The following CRH variants were observed in gnomAD, a reference collection of about 807,000 sequenced individuals.
CRH encodes the protein corticotropin releasing hormone.
A neutral mutation model predicts 11.1 loss-of-function variants in CRH; 6 were observed. The observed-to-expected ratio is 0.54, with a 90% CI of 0.30 to 1.07. CRH has a LOEUF of 1.07. CRH is among the 50% of genes least tolerant of loss of function. CRH has a pLI of 0.07. For synonymous variants in CRH, 155 were observed against 132.0 expected (o/e 1.17, Z -1.19); for missense variants, 289 against 269.4 (o/e 1.07, Z -0.51).
At position 66,176,899 on chromosome 8, in the gene CRH, A is replaced by G. The variant is rs1563402708; in HGVS notation, c.579T>C (p.Ile193=). ...QAHSNRKLME[I]IGK ...CAAACGCACCGTTTTATTTCCCAAT[A>G]ATCTCCATGAGTTTCCTGTTGCTGT... The change falls in exon 2 of 2, where the codon ATT becomes ATC. Residue 193 remains isoleucine, a synonymous_variant. Coordinates refer to ENST00000276571, the MANE Select transcript of CRH (RefSeq NM_000756.4). The G allele has an allele frequency of 6.3e-7, 1 of 1,592,532 alleles. No individual in the cohort carries two copies. The highest frequency in any genetic ancestry group is 8.6e-7 in the Non-Finnish European group (1 of 1,169,182).
In CRH at chr8:66,177,471, G is replaced by A. The variant is rs1014106205; in HGVS notation, c.7C>T (p.Leu3=). 2.0e-6 allele frequency: 3 copies of A among 1,535,790 alleles called. No homozygotes were observed. In the Admixed American group the frequency reaches 5.9e-5, roughly 30 times the overall value. MR[L]PLLVSAGVLL... ...ACTCCCGCGGACACAAGCAGCGGCA[G>A]CCGCATGTTAGGGGCACTCGCTGCG... is the stretch of plus-strand genomic sequence containing the variant. Residue 3 remains leucine (L), a synonymous_variant, in exon 2 of 2, where the codon CTG becomes TTG. Coordinates refer to ENST00000276571, the MANE Select transcript of CRH (RefSeq NM_000756.4).
At position 66,177,500 on chromosome 8, in the gene CRH, C is replaced by A; in HGVS notation, c.-14-9G>T. 6.6e-7 allele frequency: 1 copy of A among 1,523,114 alleles called. No homozygotes were observed. 94.3% of individuals were successfully genotyped at this position (1,523,114 alleles called of 1,614,324 possible). A position where few individuals can be genotyped will look rare whatever the true frequency, so the allele number is the denominator to read the frequency against. On this transcript the variant is annotated splice_polypyrimidine_tract_variant and intron_variant, in intron 1 of 1. Coordinates refer to ENST00000276571, the MANE Select transcript of CRH (RefSeq NM_000756.4). ...CATGTTAGGGGCACTCGCTGCGGCA[C>A]AGAGGTGGGCGGAGGGCGGAATGAG...
intron 1 of CRH, among the ~76,000 whole-genome samples, chr8:66,178,040 G>A (rs1811933176): frequency 6.6e-6 from 1 of 152,124 alleles, no homozygotes; most frequent in African/African-American, 2.4e-5. Context: ...AGCCGTCTAA[G>A]TTTGCTTTTG....
chr8:66,177,542 A>G, intron 1 of CRH, 51 bp from the exon 2 acceptor site: 2 of 1,493,702 alleles, frequency 1.3e-6, no homozygotes, highest in Non-Finnish European at 1.8e-6. Flanking sequence ...GAAGAGAGAA[A>G]GAAAGAGTTG....
At chr8:66,177,701 T>G (rs1351099379) in intron 1 of CRH, among the ~76,000 whole-genome samples, 1 of 152,114 alleles carries the variant, frequency 6.6e-6, no homozygotes, top group Non-Finnish European at 1.5e-5. Context: ...CCTGCAGGGC[T>G]CCGCACCTAA....
chr8:66,177,344 T>C lies in CRH; in HGVS notation c.134A>G (p.Asp45Gly). The change falls in exon 2 of 2, where the codon GAT becomes GGT. Residue 45 changes from aspartate (D) to glycine (G), a missense_variant. Coordinates refer to ENST00000276571, the MANE Select transcript of CRH (RefSeq NM_000756.4). The part of the protein sequence containing the change: ...RQAPQHPQPL[D>G]FFQPPPQSEQ... ...GGACTGCGGCGGCGGCTGGAAGAAA[T>C]CCAAGGGCTGAGGGTGCTGCGGCGC... 1 of 1,552,164 alleles carries C rather than the reference T, an allele frequency of 6.4e-7. No individual in the cohort carries two copies.
chr8:66,177,692 C>T (rs1216753719), intron 1 of CRH, among the ~76,000 whole-genome samples: 3 of 152,168 alleles, frequency 2.0e-5, no homozygotes, highest in Non-Finnish European at 4.4e-5. Context: ...AAGGGGGCGC[C>T]TGCAGGGCTC....
Position 66,177,052 on chromosome 8 carries a change from G to A in CRH, c.426C>T (p.Gly142=), listed in dbSNP as rs1249296369. Residue 142 remains glycine (G), a synonymous_variant, in exon 2 of 2, where the codon GGC becomes GGT. Coordinates refer to ENST00000276571, the MANE Select transcript of CRH (RefSeq NM_000756.4). ...LAERGARNAL[G]GHQEAPERER... ...CTCTCTCCGGTGCCTCCTGGTGGCCGCCGAGGGCATTCCTAGCGCCGCGCT... is the reference window on the plus strand; with the variant it reads ...CTCTCTCCGGTGCCTCCTGGTGGCCACCGAGGGCATTCCTAGCGCCGCGCT... 6.2e-7 allele frequency: 1 copy of A among 1,611,584 alleles called. No homozygotes were observed. Among genetic ancestry groups the A allele is most frequent in the Non-Finnish European group, 8.5e-7 (1 of 1,178,708 alleles).
rs1159735921 is a variant in CRH at position 66,177,294 on chromosome 8, G to A, written c.184C>T (p.Arg62Trp). ...QSEQPQQPQA[R>W]PVLLRMGEEY... ...TCTCCCATGCGGAGCAGGACCGGCC[G>A]AGCCTGCGGCTGCTGGGGCTGCTCG... The change falls in exon 2 of 2, where the codon CGG becomes TGG. Residue 62 changes from arginine (R) to tryptophan (W), a missense_variant. Arg to Trp is a moderately radical substitution (Grantham distance 101, BLOSUM62 -3). Coordinates refer to ENST00000276571, the MANE Select transcript of CRH (RefSeq NM_000756.4). 3 of 1,554,940 alleles carry A rather than the reference G, an allele frequency of 1.9e-6. No homozygotes were observed. Among genetic ancestry groups the A allele is most frequent in the Non-Finnish European group, 2.6e-6 (3 of 1,154,606 alleles).
rs1423660521 is a variant in CRH at position 66,177,113 on chromosome 8, G to GGCA, written c.362_364dup (p.Leu121dup). ...CGCGGGGCTGTCGAGCGAGCGCCGA[G>GGCA]GCAGCAGCAGCTGCTGCAGCAACAC... On this transcript the variant is annotated inframe_insertion, in exon 2 of 2. Coordinates refer to ENST00000276571, the MANE Select transcript of CRH (RefSeq NM_000756.4). 3.2e-6 allele frequency: 5 copies of GGCA among 1,569,898 alleles called. No individual in the cohort carries two copies. Among genetic ancestry groups the GGCA allele is most frequent in the Middle Eastern group, 1.8e-4 (1 of 5,660 alleles).
rs752575694 is a variant in CRH, at chr8:66,177,195, C to T, written c.283G>A (p.Ala95Thr). ...APLSPASSLL[A>T]GGSGSRPSPE... The stretch of plus-strand genomic sequence containing the variant: ...GAAGGGCGGCTGCCGCTGCCTCCGG[C>T]GAGGAGCGAGGAGGCGGGCGAAAGG... The change falls in exon 2 of 2, where the codon GCC becomes ACC. Residue 95 changes from alanine to threonine, a missense_variant. By Grantham distance (58) the Ala-to-Thr change is moderately conservative (BLOSUM62 0). Transcript: ENST00000276571. 279 of 1,540,740 alleles carry T rather than the reference C, an allele frequency of 1.8e-4. No homozygotes were observed. The East Asian group carries it at 6.7e-3, about 37-fold the overall frequency.
Position 66,177,049 on chromosome 8 carries a change from G to T in CRH, c.429C>A (p.Gly143=), listed in dbSNP as rs749331542. ...TTTCTCTCTCCGGTGCCTCCTGGTG[G>T]CCGCCGAGGGCATTCCTAGCGCCGC... ...AERGARNALG[G]HQEAPERERR... The change falls in exon 2 of 2, where the codon GGC becomes GGA. Residue 143 remains glycine, a synonymous_variant. Coordinates refer to ENST00000276571, the MANE Select transcript of CRH (RefSeq NM_000756.4). 6.2e-7 allele frequency: 1 copy of T among 1,611,996 alleles called. No individual in the cohort carries two copies. The highest frequency in any genetic ancestry group is 2.2e-5 in the East Asian group (1 of 44,812).
rs762610957 is a variant in CRH at position 66,177,186 on chromosome 8, T to G, written c.292A>C (p.Ser98Arg). ...SPASSLLAGG[S>R]GSRPSPEQAT... Reference sequence around the variant, plus strand: ...TGTTCCGGCGAAGGGCGGCTGCCGCTGCCTCCGGCGAGGAGCGAGGAGGCG... The same window carrying G: ...TGTTCCGGCGAAGGGCGGCTGCCGCGGCCTCCGGCGAGGAGCGAGGAGGCG... Residue 98 changes from serine (S) to arginine (R), a missense_variant, in exon 2 of 2, where the codon AGC becomes CGC. Ser to Arg is a moderately radical substitution (Grantham distance 110, BLOSUM62 -1). Transcript: ENST00000276571. 2 of 1,541,188 alleles carry G rather than the reference T, an allele frequency of 1.3e-6. No homozygotes were observed. Among genetic ancestry groups the G allele is most frequent in the South Asian group, 2.4e-5 (2 of 84,318 alleles).
rs745596960 is a variant in CRH at position 66,176,846 on chromosome 8, T to G, written c.*41A>C. 6.5e-7 allele frequency: 1 copy of G among 1,542,310 alleles called. No individual in the cohort carries two copies. The highest frequency in any genetic ancestry group is 8.7e-7 in the Non-Finnish European group (1 of 1,146,838). ...GAATACTGTATTTTTTTAAATTTTT[T>G]TTGTGCTAAATGCAGATTCTTTTTG... is the stretch of plus-strand genomic sequence containing the variant. On this transcript the variant is annotated 3_prime_UTR_variant, in exon 2 of 2. Transcript: ENST00000276571.
Position 66,177,337 on chromosome 8 carries a change from G to A in CRH, c.141C>T (p.Phe47=). 2 of 1,553,566 alleles carry A rather than the reference G, an allele frequency of 1.3e-6. No homozygotes were observed. The highest frequency in any genetic ancestry group is 1.7e-6 in the Non-Finnish European group (2 of 1,154,270). ...APQHPQPLDF[F]QPPPQSEQPQ... is the part of the protein sequence containing the mutation. ...GCTGCTCGGACTGCGGCGGCGGCTGGAAGAAATCCAAGGGCTGAGGGTGCT... is the reference window on the plus strand; with the variant it reads ...GCTGCTCGGACTGCGGCGGCGGCTGAAAGAAATCCAAGGGCTGAGGGTGCT... Residue 47 remains phenylalanine, a synonymous_variant, in exon 2 of 2, where the codon TTC becomes TTT. Transcript: ENST00000276571.
In CRH at chr8:66,176,791, CAAAT is replaced by C. The variant is rs1811905350; in HGVS notation, c.*92_*95del. ...ATGTTTCAAGCTATATAAAAATAAA[CAAAT>C]GGCATAAGAGCAGCGCTATGGTACA... On this transcript the variant is annotated 3_prime_UTR_variant, in exon 2 of 2. Coordinates refer to ENST00000276571, the MANE Select transcript of CRH (RefSeq NM_000756.4). 1 of 1,407,666 alleles carries C rather than the reference CAAAT, an allele frequency of 7.1e-7. No homozygotes were observed. The highest frequency in any genetic ancestry group is 9.4e-7 in the Non-Finnish European group (1 of 1,068,122). The allele number at this position is 1,407,666 out of a possible 1,614,324, so 87.2% of individuals were successfully genotyped here.
chr8:66,177,664 G>C lies in CRH; in HGVS notation c.-14-173C>G, dbSNP rs1395280570. Among the ~76,000 whole-genome samples, 3 of 152,206 alleles carry C rather than the reference G, an allele frequency of 2.0e-5. No individual in the cohort carries two copies. The East Asian group carries it at 5.8e-4, about 29-fold the overall frequency. On this transcript the variant is annotated intron_variant, in intron 1 of 1. Transcript: ENST00000276571. The stretch of plus-strand genomic sequence containing the variant: ...GATGGGCGCTGTCCGCGGTGCTGAA[G>C]CGCCTGGGGAGCGGGGAAAGGGGGC...
chr8:66,176,745 G>T lies in CRH; in HGVS notation c.*142C>A. ...TGTGCATGCTAAGTAAGGGGTATAGGCTCTCTCCCTCTCTCCCTCTATGTT... is the reference window on the plus strand; with the variant it reads ...TGTGCATGCTAAGTAAGGGGTATAGTCTCTCTCCCTCTCTCCCTCTATGTT... On this transcript the variant is annotated 3_prime_UTR_variant, in exon 2 of 2. Transcript: ENST00000276571. 17 of 1,056,512 alleles carry T rather than the reference G, an allele frequency of 1.6e-5. No individual in the cohort carries two copies. The highest frequency in any genetic ancestry group is 2.2e-5 in the Non-Finnish European group (17 of 768,424). The allele number at this position is 1,056,512 out of a possible 1,614,324, so 65.4% of individuals were successfully genotyped here.
At position 66,177,258 on chromosome 8, in the gene CRH, G is replaced by T; in HGVS notation, c.220C>A (p.Leu74Ile). ...CTCTTGTTGAGGTTCCCCAGGCGGA[G>T]GAAGTACTCCTCTCCCATGCGGAGC... Reference protein sequence around the residue: ...VLLRMGEEYFLRLGNLNKSPA... With the variant: ...VLLRMGEEYFIRLGNLNKSPA... Residue 74 changes from leucine (L) to isoleucine (I), a missense_variant, in exon 2 of 2, where the codon CTC becomes ATC. Leu to Ile is a conservative substitution (Grantham distance 5, BLOSUM62 2). This residue lies in a region of CRH where 261 missense variants were observed against 219.0 expected (regional missense o/e 1.19). Coordinates refer to ENST00000276571, the MANE Select transcript of CRH (RefSeq NM_000756.4). 6.5e-7 allele frequency: 1 copy of T among 1,545,010 alleles called. No homozygotes were observed.
Sources: gnomAD v4.1 joint callset for allele counts (sites outside exome capture counted in the v4.1 genomes callset) on GRCh38, gnomAD v4.1.1 for gene constraint, gnomAD v4.1.1 regional missense constraint, MANE v1.5 for transcripts, NCBI Gene and HGNC (gene_info 2026-07-23, HGNC 2026-07-21) for gene names.